Variants in RPIA observed in about 807,000 individuals in gnomAD.
RPIA encodes the protein ribose-5-phosphate isomerase.
Under a neutral mutation model 37.8 loss-of-function variants are expected in RPIA, and 29 were observed. The ratio of observed to expected loss-of-function variants is 0.77; its 90% confidence interval spans 0.57 to 1.05. The LOEUF is 1.05. RPIA is among the 50% of genes least tolerant of loss of function. The pLI is 0.00. For missense variants in RPIA, 385 were observed against 413.6 expected, an observed-to-expected ratio of 0.93 and a Z score of 0.60; for synonymous variants, 167 against 157.0, an observed-to-expected ratio of 1.06 and a Z score of -0.48.
chr2:88,695,714 G>A (rs1252465856), intron 1 of RPIA, among the ~76,000 whole-genome samples: 1 of 152,186 alleles, frequency 6.6e-6, no homozygotes, highest in Non-Finnish European at 1.5e-5. Flanking sequence ...CTTCTTGAGA[G>A]CATTGGTATA....
rs551459174 is a variant in RPIA at position 88,711,195 on chromosome 2, G to A, written c.402+11131G>A. Reference sequence around the variant, plus strand: ...TATCTCTGTTGCTCTTATATAGAATGTAAAGGATTGGTGCAGACAAAGGAG... The same window carrying A: ...TATCTCTGTTGCTCTTATATAGAATATAAAGGATTGGTGCAGACAAAGGAG... On this transcript the variant is annotated intron_variant, in intron 3 of 8. Transcript: ENST00000283646. Among the ~76,000 whole-genome samples, 4 of 152,362 alleles carry A rather than the reference G, an allele frequency of 2.6e-5. No individual in the cohort carries two copies. In the East Asian group the frequency reaches 7.7e-4, roughly 29 times the overall value.
chr2:88,734,715 T>C, intron 5 of RPIA, 99 bp downstream of exon 5: 2 of 1,268,702 alleles, frequency 1.6e-6, no homozygotes, highest in Non-Finnish European at 2.3e-6. Context: ...CTGTGACATA[T>C]GCAAGTTTGT....
chr2:88,740,387 T>G (rs1180285991), intron 8 of RPIA, among the ~76,000 whole-genome samples: 1 of 152,226 alleles, frequency 6.6e-6, no homozygotes, highest in African/African-American at 2.4e-5. Context: ...AATCATATAA[T>G]GTGATATCTA....
intron 3 of RPIA, among the ~76,000 whole-genome samples, chr2:88,724,933 T>C (rs1673177943): frequency 6.6e-6 from 1 of 152,172 alleles, no homozygotes; most frequent in Non-Finnish European, 1.5e-5. Context: ...TGTGAAATAA[T>C]AAAACTACAT....
At chr2:88,750,929 AT>A (rs1362758117), downstream of RPIA, 4 of 391,502 alleles carry the variant, frequency 1.0e-5, no homozygotes, top group Non-Finnish European at 1.8e-5. Context: ...GTGTGGTGCC[AT>A]TTTGACTCTT....
chr2:88,704,255 C>G (rs1346124404), intron 3 of RPIA, among the ~76,000 whole-genome samples: 3 of 152,190 alleles, frequency 2.0e-5, no homozygotes, highest in African/African-American at 7.2e-5. Flanking sequence ...TACCAACATA[C>G]TGTGTTAGTC....
intron 3 of RPIA, among the ~76,000 whole-genome samples, chr2:88,718,236 AT>A (rs1673060058): frequency 6.6e-6 from 1 of 152,118 alleles, no homozygotes; most frequent in South Asian, 2.1e-4. Flanking sequence ...TTTTGAAACA[AT>A]TTTTCTCTAG....
intron 8 of RPIA, among the ~76,000 whole-genome samples, chr2:88,745,869 C>T (rs1276254672): frequency 6.6e-6 from 1 of 152,154 alleles, no homozygotes; most frequent in Non-Finnish European, 1.5e-5. Flanking sequence ...CTCAAGTAAG[C>T]TTTCCAAACT....
At chr2:88,721,896 GT>G (rs1045124009) in intron 3 of RPIA, among the ~76,000 whole-genome samples, 2 of 149,202 alleles carry the variant, frequency 1.3e-5, no homozygotes, top group Admixed American at 1.3e-4. Context: ...TATATAAATG[GT>G]TTTTTTTAAA....
chr2:88,705,878 C>T (rs1362163218), intron 3 of RPIA, among the ~76,000 whole-genome samples: 1 of 152,010 alleles, frequency 6.6e-6, no homozygotes, highest in African/African-American at 2.4e-5. Flanking sequence ...ACAAACAGTC[C>T]TGTTAAAAAA....
At chr2:88,704,925 A>G (rs534319572) in intron 3 of RPIA, among the ~76,000 whole-genome samples, 11 of 152,282 alleles carry the variant, frequency 7.2e-5, no homozygotes, top group East Asian at 1.9e-4. Context: ...TACACCAACA[A>G]TAGACAAGCA....
chr2:88,698,093 T>A (rs1478955189), intron 1 of RPIA, among the ~76,000 whole-genome samples: 1 of 151,842 alleles, frequency 6.6e-6, no homozygotes, highest in African/African-American at 2.4e-5. Context: ...TCTTTTTTTT[T>A]TTTTTTTAAA....
Position 88,738,056 on chromosome 2 carries a change from C to T in RPIA, c.818C>T (p.Thr273Ile), listed in dbSNP as rs1331648902. 1 of 1,613,426 alleles carries T rather than the reference C, an allele frequency of 6.2e-7. No homozygotes were observed. The highest frequency in any genetic ancestry group is 8.5e-7 in the Non-Finnish European group (1 of 1,179,396). The change falls in exon 8 of 9, where the codon ACA becomes ATA. Residue 273 changes from threonine to isoleucine, a missense_variant. Coordinates refer to ENST00000283646, the MANE Select transcript of RPIA (RefSeq NM_144563.3). Reference protein sequence around the residue: ...DRVHKWSEVNTAIKMIPGVVD... With the variant: ...DRVHKWSEVNIAIKMIPGVVD... ...GTACACAAATGGAGTGAAGTGAATA[C>T]AGCTATCAAAATGATCCCAGGTAAC...
chr2:88,748,746 C>G (rs1673467623), intron 8 of RPIA, among the ~76,000 whole-genome samples: 1 of 152,160 alleles, frequency 6.6e-6, no homozygotes, highest in Non-Finnish European at 1.5e-5. Flanking sequence ...GGATCTTGCT[C>G]TGTCACCCAG....
intron 4 of RPIA, among the ~76,000 whole-genome samples, chr2:88,734,302 A>G (rs1673289129): frequency 6.6e-6 from 1 of 152,122 alleles, no homozygotes; most frequent in South Asian, 2.1e-4. Context: ...AAGCCCATCA[A>G]TGAGAAAAGG....
intron 3 of RPIA, among the ~76,000 whole-genome samples, chr2:88,727,380 G>A (rs1191175641): frequency 2.6e-5 from 4 of 152,172 alleles, no homozygotes; most frequent in African/African-American, 7.2e-5. Context: ...AGTTAGGATG[G>A]TTTCTCTAAT....
intron 6 of RPIA, 27 bp from the exon 7 acceptor site, chr2:88,736,508 T>C: frequency 1.2e-6 from 2 of 1,613,954 alleles, no homozygotes; most frequent in Non-Finnish European, 1.7e-6. Flanking sequence ...TTTACTTTTA[T>C]TGTACTTTCT....
chr2:88,719,262 TAAC>T (rs1427651108), intron 3 of RPIA, among the ~76,000 whole-genome samples: 12 of 152,164 alleles, frequency 7.9e-5, no homozygotes, highest in Non-Finnish European at 1.5e-4. Context: ...TAATTTAACA[TAAC>T]AATTATAATT....
chr2:88,691,891 T>TC lies in RPIA; in HGVS notation c.195dup (p.Asn66GlnfsTer32). The TC allele has an allele frequency of 5.6e-6, 9 of 1,596,062 alleles. No homozygotes were observed. The highest frequency in any genetic ancestry group is 7.7e-6 in the Non-Finnish European group (9 of 1,172,638). On this transcript the variant is annotated frameshift_variant, in exon 1 of 9. Transcript: ENST00000283646. LOFTEE classifies it high-confidence loss of function. ...CAACACAAGCACCAGCTGCGGGGAC[T>TC]CCAACAGCATCTGCCCGGCCCCCTC...
Sources: allele counts gnomAD v4.1 joint callset (sites outside exome capture counted in the v4.1 genomes callset), GRCh38; gene constraint gnomAD v4.1.1; transcripts MANE v1.5; gene names NCBI Gene and HGNC (gene_info 2026-07-23, HGNC 2026-07-21).